DOCK11: variants seen among roughly 807,000 people sequenced by gnomAD.
DOCK11 encodes dedicator of cytokinesis protein 11.
A neutral mutation model predicts 169.1 loss-of-function variants in DOCK11; 70 were observed. The ratio of observed to expected loss-of-function variants is 0.41; its 90% CI spans 0.34 to 0.51. DOCK11 has a LOEUF of 0.51. Among genes scored for constraint, DOCK11 ranks in the 20% least tolerant of loss-of-function variants. The pLI, the probability that DOCK11 is intolerant of heterozygous loss-of-function variation, is 0.10. For missense variants in DOCK11, 1,166 were observed against 1,538.8 expected, an observed-to-expected ratio of 0.76 and a Z score of 4.05; for synonymous variants, 529 against 541.3, an observed-to-expected ratio of 0.98 and a Z score of 0.32.
intron 6 of DOCK11, among the ~76,000 whole-genome samples, chrX:118,547,495 C>T (rs908747543): frequency 2.7e-5 from 3 of 112,217 alleles, no homozygotes; most frequent in Admixed American, 1.9e-4. Context: ...TTATTAAGGA[C>T]TTAATACGTA....
intron 19 of DOCK11, 21 bp from the exon 20 acceptor site, chrX:118,593,193 G>T (rs1245877315): frequency 2.5e-6 from 3 of 1,185,625 alleles, no homozygotes; most frequent in East Asian, 6.1e-5. Flanking sequence ...AGTTCCATGT[G>T]TAATTTTGCT....
intron 41 of DOCK11, among the ~76,000 whole-genome samples, chrX:118,650,327 CT>C (rs1314977900): frequency 8.9e-6 from 1 of 112,108 alleles, no homozygotes; most frequent in Non-Finnish European, 1.9e-5. Flanking sequence ...CATCTCCATA[CT>C]TTTGGGTTTA....
chrX:118,627,439 A>T, intron 32 of DOCK11, 65 bp from the exon 33 acceptor site: 2 of 811,751 alleles, frequency 2.5e-6, no homozygotes, highest in Non-Finnish European at 3.7e-6. Context: ...TTATTCTGTT[A>T]ATTCAGATTT....
intron 40 of DOCK11, among the ~76,000 whole-genome samples, chrX:118,647,917 T>TAA: frequency 7.4e-5 from 3 of 40,623 alleles, no homozygotes; most frequent in African/African-American, 3.2e-4. Flanking sequence ...TATTATAATA[T>TAA]TATATATAAT....
intron 41 of DOCK11, among the ~76,000 whole-genome samples, chrX:118,650,360 T>C (rs2015917999): frequency 8.9e-6 from 1 of 112,115 alleles, no homozygotes; most frequent in Non-Finnish European, 1.9e-5. Flanking sequence ...AGCTCTGAAC[T>C]AAACCACAAT....
chrX:118,519,805 A>G (rs1385253525), intron 1 of DOCK11, among the ~76,000 whole-genome samples: 1 of 111,927 alleles, frequency 8.9e-6, no homozygotes, highest in Non-Finnish European at 1.9e-5. Flanking sequence ...TAATTTTGTA[A>G]TGCAAGTAAC....
At chrX:118,582,052 C>T (rs900512237) in intron 14 of DOCK11, among the ~76,000 whole-genome samples, 1 of 109,310 alleles carries the variant, frequency 9.1e-6, no homozygotes, top group Non-Finnish European at 1.9e-5. Flanking sequence ...ATTGCTTGAA[C>T]GTGGGAGGCG....
intron 42 of DOCK11, among the ~76,000 whole-genome samples, chrX:118,654,285 A>G (rs776983339): frequency 3.6e-5 from 4 of 112,133 alleles, no homozygotes; most frequent in Non-Finnish European, 5.6e-5. Flanking sequence ...CTGTTACAAG[A>G]AAACGGCAAA....
chrX:118,650,252 C>A (rs771341441), intron 41 of DOCK11, among the ~76,000 whole-genome samples: 1 of 112,051 alleles, frequency 8.9e-6, no homozygotes, highest in East Asian at 2.8e-4. Context: ...GTGTATAGTG[C>A]CTATAGTGCC....
intron 35 of DOCK11, among the ~76,000 whole-genome samples, chrX:118,630,848 T>A (rs2147495296): frequency 8.9e-6 from 1 of 112,330 alleles, no homozygotes; most frequent in East Asian, 2.8e-4. Context: ...TATTTAATAC[T>A]TCAGCTTTTA....
At chrX:118,585,155 T>C in intron 16 of DOCK11, 38 bp downstream of exon 16, 1 of 1,103,017 alleles carries the variant, frequency 9.1e-7, no homozygotes, top group Non-Finnish European at 1.3e-6. Context: ...AGCATAATGT[T>C]TGAATGTCAG....
rs757693309 is a variant in DOCK11 at position 118,538,218 on chromosome X, A to G, written c.103-4507A>G. 8.9e-5 allele frequency among the ~76,000 whole-genome samples: 10 copies of G among 112,058 alleles called. No homozygotes were observed. The South Asian group carries it at 3.8e-3, about 42-fold the overall frequency. On this transcript the variant is annotated intron_variant, in intron 1 of 52. Transcript: ENST00000276202. ...ATAAGTTCGGGAAACTAATAGAAAC[A>G]AGGATTAGGAGTTGGGAGACCTGGG...
chrX:118,631,624 T>A (rs2015244564), intron 35 of DOCK11, among the ~76,000 whole-genome samples: 1 of 111,297 alleles, frequency 9.0e-6, no homozygotes, highest in Admixed American at 9.6e-5. Flanking sequence ...GATAAATGAA[T>A]CTCTCAGTAA....
chrX:118,665,946 G>C (rs980895966), intron 45 of DOCK11, among the ~76,000 whole-genome samples: 1 of 111,410 alleles, frequency 9.0e-6, no homozygotes, highest in African/African-American at 3.3e-5. Context: ...CCCTGCAATC[G>C]ATTTTAAACA....
intron 30 of DOCK11, among the ~76,000 whole-genome samples, chrX:118,617,993 G>C (rs1374098283): frequency 8.9e-6 from 1 of 112,057 alleles, no homozygotes; most frequent in East Asian, 2.8e-4. Context: ...TGATGGATTG[G>C]AATGAAATGA....
chrX:118,652,174 T>C, intron 42 of DOCK11, 97 bp downstream of exon 42: 4 of 532,106 alleles, frequency 7.5e-6, no homozygotes, highest in South Asian at 3.2e-5. Flanking sequence ...TTTGTTAGTA[T>C]AGAATGTACG....
chrX:118,649,118 A>G lies in DOCK11; in HGVS notation c.4572A>G (p.Thr1524=), dbSNP rs1386416135. The G allele has an allele frequency of 8.4e-7, 1 of 1,194,778 alleles. No individual in the cohort carries two copies. The highest frequency in any genetic ancestry group is 1.9e-5 in the South Asian group (1 of 53,798). ...CCAAAAGGAAAACCTTTTTGAGGACACATCTACAGGTCAGTGAAAATAAAA... is the reference window on the plus strand; with the variant it reads ...CCAAAAGGAAAACCTTTTTGAGGACGCATCTACAGGTCAGTGAAAATAAAA... ...EYTKRKTFLR[T]HLQIIIAVSQ... The change falls in exon 41 of 53, where the codon ACA becomes ACG. Residue 1524 remains threonine, a synonymous_variant. Transcript: ENST00000276202.
chrX:118,659,055 G>C (rs984729869), intron 44 of DOCK11, among the ~76,000 whole-genome samples: 1 of 111,618 alleles, frequency 9.0e-6, no homozygotes, highest in African/African-American at 3.3e-5. Context: ...GTTTCATGAA[G>C]CTTTTTATTC....
chrX:118,523,015 G>A (rs999028029), intron 1 of DOCK11, among the ~76,000 whole-genome samples: 3 of 112,559 alleles, frequency 2.7e-5, no homozygotes, highest in African/African-American at 9.7e-5. Flanking sequence ...AGTAGTGATA[G>A]TATTCTCTAC....
Sources: allele counts gnomAD v4.1 joint callset (sites outside exome capture counted in the v4.1 genomes callset), GRCh38; gene constraint gnomAD v4.1.1; transcripts MANE v1.5; gene names NCBI Gene and HGNC (gene_info 2026-07-23, HGNC 2026-07-21).